The following EDA variants were observed in gnomAD, a reference collection of about 807,000 sequenced individuals.
The protein encoded by EDA is ectodysplasin-A.
EDA carries 2 observed loss-of-function variants against 23.6 expected under a neutral mutation model. The observed-to-expected ratio is 0.08, with a 90% CI of 0.03 to 0.27. The LOEUF is 0.27. EDA is among the 10% of genes least tolerant of loss of function. The pLI is 1.00. For missense variants in EDA, 229 were observed against 324.2 expected, an observed-to-expected ratio of 0.71 and a Z score of 2.26; for synonymous variants, 131 against 132.0, an observed-to-expected ratio of 0.99 and a Z score of 0.05.
chrX:69,737,229 T>G (rs2013296478), intron 1 of EDA, among the ~76,000 whole-genome samples: 1 of 112,561 alleles, frequency 8.9e-6, no homozygotes, highest in Admixed American at 9.4e-5. Flanking sequence ...TGGATAATTT[T>G]CATCTAATGT....
intron 1 of EDA, among the ~76,000 whole-genome samples, chrX:69,718,208 T>C (rs1327358634): frequency 8.9e-6 from 1 of 112,269 alleles, no homozygotes; most frequent in Non-Finnish European, 1.9e-5. Context: ...TTTTCTGTAG[T>C]TTCCTTGGGA....
At chrX:69,868,640 C>A (rs749946571) in intron 1 of EDA, among the ~76,000 whole-genome samples, 1 of 112,045 alleles carries the variant, frequency 8.9e-6, no homozygotes, top group Non-Finnish European at 1.9e-5. Context: ...AAGAGAAAAG[C>A]GATCAGGGTC....
At chrX:69,990,489 G>T (rs757400492) in intron 2 of EDA, among the ~76,000 whole-genome samples, 1 of 105,617 alleles carries the variant, frequency 9.5e-6, no homozygotes, top group Non-Finnish European at 1.9e-5. Flanking sequence ...CTGCCAGGGG[G>T]GATGAAAGTG....
intron 2 of EDA, among the ~76,000 whole-genome samples, chrX:70,005,524 T>C (rs907636705): frequency 2.7e-5 from 3 of 111,040 alleles, no homozygotes; most frequent in East Asian, 2.8e-4. Context: ...CGATCACATA[T>C]CAGAAAATTA....
intron 1 of EDA, among the ~76,000 whole-genome samples, chrX:69,661,699 G>C (rs1484923677): frequency 9.0e-6 from 1 of 110,654 alleles, no homozygotes; most frequent in Non-Finnish European, 1.9e-5. Context: ...CTGTTCCCTT[G>C]GTCTATATCT....
intron 1 of EDA, among the ~76,000 whole-genome samples, chrX:69,883,510 T>C (rs1055835811): frequency 3.6e-5 from 4 of 111,679 alleles, no homozygotes; most frequent in African/African-American, 1.3e-4. Flanking sequence ...AACAGGAATT[T>C]GTCTCTAAGA....
intron 1 of EDA, among the ~76,000 whole-genome samples, chrX:69,809,480 GAC>G (rs2147499632): frequency 9.0e-6 from 1 of 111,290 alleles, no homozygotes; most frequent in Non-Finnish European, 1.9e-5. Flanking sequence ...ATTACAATTC[GAC>G]ATGAGATTTG....
At chrX:69,972,046 G>A (rs2019255223) in intron 2 of EDA, among the ~76,000 whole-genome samples, 1 of 110,853 alleles carries the variant, frequency 9.0e-6, no homozygotes, top group Admixed American at 9.6e-5. Context: ...TGTTCATGAG[G>A]GAGAAGCCTT....
chrX:69,727,560 C>T (rs1439185306), intron 1 of EDA, among the ~76,000 whole-genome samples: 1 of 112,213 alleles, frequency 8.9e-6, no homozygotes, highest in Non-Finnish European at 1.9e-5. Context: ...GGGCTCTGCC[C>T]TCATGACCTA....
intron 1 of EDA, among the ~76,000 whole-genome samples, chrX:69,913,580 T>A (rs766860544): frequency 1.3e-4 from 15 of 112,281 alleles, no homozygotes; most frequent in Non-Finnish European, 2.3e-4. Context: ...TAAAACTTTC[T>A]CCATATCGGC....
intron 1 of EDA, among the ~76,000 whole-genome samples, chrX:69,645,584 T>TTTTATATATATATA (rs1555976075): frequency 3.7e-5 from 2 of 54,371 alleles, no homozygotes; most frequent in African/African-American, 2.2e-4. Context: ...TCTAGTTCTT[T>TTTTATATATATATA]TATATATATG....
Position 69,674,527 on chromosome X carries a change from T to C in EDA, c.396+57823T>C, listed in dbSNP as rs753973802. On this transcript the variant is annotated intron_variant, in intron 1 of 7. Transcript: ENST00000374552. The stretch of plus-strand genomic sequence containing the variant: ...TTTACTATTACCAACAACAATGTAA[T>C]GTACAACCTTTAGCATTAATGTATT... 8.0e-5 allele frequency among the ~76,000 whole-genome samples: 9 copies of C among 112,421 alleles called. No individual in the cohort carries two copies. In the South Asian group the frequency reaches 1.8e-3, roughly 23 times the overall value.
rs776850642 is a variant in EDA at position 69,711,472 on chromosome X, C to T, written c.396+94768C>T. On this transcript the variant is annotated intron_variant, in intron 1 of 7. Transcript: ENST00000374552. ...AAATTCTCTTTTTTGGTTGTGTCTC[C>T]GCCAGGCTTTGGTATCAGGATGATG... is the stretch of plus-strand genomic sequence containing the variant. 1.4e-3 allele frequency among the ~76,000 whole-genome samples: 153 copies of T among 111,084 alleles called. 2 individuals are homozygous for T. Among genetic ancestry groups the T allele is most frequent in the African/African-American group, 2.5e-3 (76 of 30,589 alleles).
At chrX:69,782,590 G>T (rs1369148023) in intron 1 of EDA, among the ~76,000 whole-genome samples, 1 of 110,877 alleles carries the variant, frequency 9.0e-6, no homozygotes, top group Non-Finnish European at 1.9e-5. Flanking sequence ...CATTATGGAG[G>T]AGCTTTCCTG....
intron 1 of EDA, among the ~76,000 whole-genome samples, chrX:69,857,062 G>A (rs900147485): frequency 9.0e-6 from 1 of 111,620 alleles, no homozygotes; most frequent in African/African-American, 3.3e-5. Flanking sequence ...GGTGGGAGAC[G>A]AGGATCCAAT....
At chrX:69,977,403 T>G (rs1272527713) in intron 2 of EDA, among the ~76,000 whole-genome samples, 1 of 112,119 alleles carries the variant, frequency 8.9e-6, no homozygotes, top group Non-Finnish European at 1.9e-5. Flanking sequence ...TCTCTTAGAT[T>G]GGCAGTTCCT....
chrX:69,957,490 AACAAAAAAAAAAAAC>A (rs1312352218), intron 2 of EDA: 14 of 176,802 alleles, frequency 7.9e-5, no homozygotes, highest in African/African-American at 1.6e-4. Context: ...AAAAAAAAAA[AACAAAAAAAAAAAAC>A]CACTACCTTT....
Position 69,989,015 on chromosome X carries a change from G to T in EDA, c.502+31883G>T, listed in dbSNP as rs193163901. On this transcript the variant is annotated intron_variant, in intron 2 of 7. Coordinates refer to ENST00000374552, the MANE Select transcript of EDA (RefSeq NM_001399.5). ...AAAGAGGCAGCGTGAAGCAAGGCTA[G>T]TCACCACTCCTATTCCCACTGCCCT... 9.8e-5 allele frequency among the ~76,000 whole-genome samples: 11 copies of T among 111,819 alleles called. No homozygotes were observed. In the East Asian group the frequency reaches 3.1e-3, roughly 32 times the overall value.
intron 1 of EDA, among the ~76,000 whole-genome samples, chrX:69,857,662 GATTATATCT>G (rs1484354445): frequency 9.0e-6 from 1 of 111,188 alleles, no homozygotes; most frequent in East Asian, 2.8e-4. Flanking sequence ...TCACAATATT[GATTATATCT>G]ATCGATGAGC....
Sources: gnomAD v4.1 joint callset for allele counts (sites outside exome capture counted in the v4.1 genomes callset) on GRCh38, gnomAD v4.1.1 for gene constraint, MANE v1.5 for transcripts, NCBI Gene and HGNC (gene_info 2026-07-23, HGNC 2026-07-21) for gene names.